Variants in RASSF6 observed in about 807,000 individuals in gnomAD.
RASSF6 encodes Ras association domain family member 6, also known as ras association domain-containing protein 6.
A neutral mutation model predicts 44.0 loss-of-function variants in RASSF6; 52 were observed. The ratio of observed to expected loss-of-function variants is 1.18; its 90% CI spans 0.95 to 1.49. RASSF6 has a LOEUF of 1.49. RASSF6 is among the 40% of genes most tolerant of loss of function. The probability of loss-of-function intolerance (pLI) is 0.00; values close to 1 mark genes in which losing one functional copy is unlikely to be tolerated. For missense variants in RASSF6, 464 were observed against 393.3 expected (o/e 1.18, Z -1.52); for synonymous variants, 162 against 124.6 (o/e 1.30, Z -2.00).
At chr4:73,587,744 A>C (rs1724210122) in intron 5 of RASSF6, 96 bp downstream of exon 5, 1 of 677,014 alleles carries the variant, frequency 1.5e-6, no homozygotes, top group Admixed American at 2.3e-5. Flanking sequence ...ATTGTGTAGT[A>C]GTATGAAAAA....
chr4:73,611,447 A>C (rs1168282373), intron 2 of RASSF6, among the ~76,000 whole-genome samples: 1 of 152,168 alleles, frequency 6.6e-6, no homozygotes, highest in African/African-American at 2.4e-5. Flanking sequence ...GAAGCCTTAG[A>C]TCTTTCACCT....
intron 2 of RASSF6, among the ~76,000 whole-genome samples, chr4:73,601,095 A>G (rs1320142834): frequency 6.6e-6 from 1 of 152,248 alleles, no homozygotes. Flanking sequence ...CTTCTGATAA[A>G]AGTACATTAC....
At chr4:73,580,447 C>G (rs1322668871) in intron 8 of RASSF6, among the ~76,000 whole-genome samples, 3 of 150,564 alleles carry the variant, frequency 2.0e-5, no homozygotes, top group Admixed American at 2.0e-4. Context: ...GGAATCGCCA[C>G]ACTGACTTCC....
At position 73,604,368 on chromosome 4, in the gene RASSF6, G is replaced by GT. The variant is rs144002173; in HGVS notation, c.66-5651dup. The GT allele has an allele frequency of 7.9e-3, 1,202 of 152,374 alleles. 18 individuals carry two copies. The highest frequency in any genetic ancestry group is 0.028 in the African/African-American group (1,147 of 41,530). The allele number at this position is 152,374 out of a possible 1,614,324, so 9.4% of individuals were successfully genotyped here. The stretch of plus-strand genomic sequence containing the variant: ...CCGGCGCCTGTAGTCCCAGCTACTC[G>GT]TGAGTCTAGGCAGAAGAATGGCGTG... On this transcript the variant is annotated intron_variant, in intron 2 of 10. Transcript: ENST00000307439.
intron 8 of RASSF6, among the ~76,000 whole-genome samples, chr4:73,579,562 CTATT>C (rs749546784): frequency 1.3e-5 from 2 of 152,058 alleles, no homozygotes; most frequent in Non-Finnish European, 2.9e-5. Flanking sequence ...TTTTCTAAAA[CTATT>C]TAACTGGTTA....
chr4:73,619,579 G>A (rs755561481), intron 1 of RASSF6, among the ~76,000 whole-genome samples: 1 of 152,158 alleles, frequency 6.6e-6, no homozygotes, highest in Non-Finnish European at 1.5e-5. Context: ...AAAGCCTTAT[G>A]TGGCAGATCC....
intron 1 of RASSF6, 140 bp from the exon 2 acceptor site, chr4:73,611,969 C>A: frequency 1.3e-5 from 6 of 474,532 alleles, no homozygotes; most frequent in African/African-American, 2.0e-5. Flanking sequence ...CATGTGTGAG[C>A]AAAAATACAG....
chr4:73,585,965 T>C (rs917039540), intron 5 of RASSF6, among the ~76,000 whole-genome samples: 1 of 138,118 alleles, frequency 7.2e-6, no homozygotes, highest in Non-Finnish European at 1.6e-5. Context: ...GTATATCTCC[T>C]AATGCTATCC....
At chr4:73,576,534 A>G in intron 9 of RASSF6, 27 bp from the exon 10 acceptor site, 1 of 1,554,316 alleles carries the variant, frequency 6.4e-7, no homozygotes, top group Middle Eastern at 1.7e-4. Context: ...AGAAAAAAAA[A>G]AGAAAGCAGA....
At chr4:73,581,283 C>G (rs1723629561) in intron 8 of RASSF6, among the ~76,000 whole-genome samples, 1 of 152,124 alleles carries the variant, frequency 6.6e-6, no homozygotes, top group African/African-American at 2.4e-5. Context: ...CTCTATTATG[C>G]TCCTAGCATC....
At chr4:73,586,516 A>C (rs34859660) in intron 5 of RASSF6, among the ~76,000 whole-genome samples, 42,017 of 151,528 alleles carry the variant, frequency 0.28, 6,033 homozygotes, top group Admixed American at 0.4. Context: ...CTGCTTGTAT[A>C]CAATTGATAG....
chr4:73,617,940 A>C (rs1726462409), intron 1 of RASSF6, among the ~76,000 whole-genome samples: 1 of 152,148 alleles, frequency 6.6e-6, no homozygotes, highest in South Asian at 2.1e-4. Context: ...TGAATTCCCC[A>C]CCTACATTGC....
chr4:73,605,794 A>G (rs1200661510), intron 2 of RASSF6, among the ~76,000 whole-genome samples: 1 of 151,966 alleles, frequency 6.6e-6, no homozygotes, highest in Non-Finnish European at 1.5e-5. Flanking sequence ...TTATTTTTTG[A>G]CTTTTTTATA....
At chr4:73,608,121 G>T (rs950680893) in intron 2 of RASSF6, among the ~76,000 whole-genome samples, 1 of 148,772 alleles carries the variant, frequency 6.7e-6, no homozygotes, top group Non-Finnish European at 1.5e-5. Context: ...TTTGTGTAGG[G>T]AATACAGCAT....
At position 73,585,357 on chromosome 4, in the gene RASSF6, T is replaced by C. The variant is rs1329279608; in HGVS notation, c.390A>G (p.Leu130=). ...SEKRNSQEDY[L]SYHSNTLKPH... is the part of the protein sequence containing the mutation. ...GCTTCAGGGTGTTGCTGTGATAAGA[T>C]AAATAGTCTGGGAAGAATAGATTAT... Residue 130 remains leucine (L), a synonymous_variant, in exon 6 of 11, where the codon TTA becomes TTG. Transcript: ENST00000307439. 7.6e-6 allele frequency: 12 copies of C among 1,581,620 alleles called. No homozygotes were observed. Among genetic ancestry groups the C allele is most frequent in the Admixed American group, 1.8e-5 (1 of 54,426 alleles).
chr4:73,615,002 G>C (rs1726257075), intron 1 of RASSF6, among the ~76,000 whole-genome samples: 1 of 151,908 alleles, frequency 6.6e-6, no homozygotes, highest in South Asian at 2.1e-4. Context: ...CCCATTGTTA[G>C]TATTAACAGT....
rs772384405 is a variant in RASSF6, at chr4:73,576,508, C to T, written c.841-1G>A. On this transcript the variant is annotated splice_acceptor_variant, in intron 9 of 10. Transcript: ENST00000307439. LOFTEE classifies it high-confidence loss of function. ...AGTGAAAGTTAATGTACTGAGCCAC[C>T]TAAGAAAGAAGAAGAAGAAAAAAAA... The T allele has an allele frequency of 1.9e-6, 3 of 1,564,544 alleles. No homozygotes were observed. In the Admixed American group the frequency reaches 5.6e-5, roughly 29 times the overall value.
chr4:73,594,888 T>C (rs975785144), intron 3 of RASSF6, among the ~76,000 whole-genome samples: 3 of 152,264 alleles, frequency 2.0e-5, no homozygotes, highest in African/African-American at 7.2e-5. Context: ...CCCACTACTC[T>C]GCTGAGGTTG....
chr4:73,577,596 A>G (rs973038237), intron 8 of RASSF6, among the ~76,000 whole-genome samples: 1 of 152,126 alleles, frequency 6.6e-6, no homozygotes, highest in South Asian at 2.1e-4. Flanking sequence ...CCTCCCCACA[A>G]TTAAAGTGAT....
Sources: gnomAD v4.1 joint callset for allele counts (sites outside exome capture counted in the v4.1 genomes callset) on GRCh38, gnomAD v4.1.1 for gene constraint, MANE v1.5 for transcripts, NCBI Gene and HGNC (gene_info 2026-07-23, HGNC 2026-07-21) for gene names.